SLC12A4: variants seen among roughly 807,000 people sequenced by gnomAD.
The protein encoded by SLC12A4 is electroneutral potassium-chloride cotransporter 1.
In SLC12A4, 84 loss-of-function variants were observed where a neutral mutation model predicts 119.2. The observed-to-expected ratio is 0.70, with a 90% confidence interval of 0.59 to 0.85. The LOEUF is 0.85. Ranked by LOEUF, SLC12A4 falls within the 40% of genes least tolerant of loss-of-function variation. The probability of loss-of-function intolerance (pLI) is 0.00; values close to 1 mark genes in which losing one functional copy is unlikely to be tolerated. For missense variants in SLC12A4, 1,298 were observed against 1,476.3 expected, an observed-to-expected ratio of 0.88 and a Z score of 1.98; for synonymous variants, 599 against 604.6, an observed-to-expected ratio of 0.99 and a Z score of 0.14.
Position 67,963,568 on chromosome 16 carries a change from A to T in SLC12A4, c.116-9T>A. 1 of 1,552,834 alleles carries T rather than the reference A, an allele frequency of 6.4e-7. No homozygotes were observed. The highest frequency in any genetic ancestry group is 1.2e-5 in the South Asian group (1 of 82,246). ...TCTGTGGTTGCCATGTCCTGTGAAG[A>T]GAGAGGGACAATCAGGGCCTGCTTC... On this transcript the variant is annotated splice_polypyrimidine_tract_variant and intron_variant, in intron 1 of 23. Coordinates refer to ENST00000316341, the MANE Select transcript of SLC12A4 (RefSeq NM_005072.5).
chr16:67,965,893 A>G (rs934158827), intron 1 of SLC12A4, among the ~76,000 whole-genome samples: 4 of 152,198 alleles, frequency 2.6e-5, no homozygotes, highest in Non-Finnish European at 4.4e-5. Context: ...ACCCAGGGAG[A>G]AGGCCACATC....
rs2058402988 is a variant in SLC12A4, at chr16:67,950,580, C to T, written c.1454+74G>A. 6.2e-7 allele frequency: 1 copy of T among 1,608,174 alleles called. No homozygotes were observed. Among genetic ancestry groups the T allele is most frequent in the African/African-American group, 1.3e-5 (1 of 74,700 alleles). ...GGCAGCCAGCAGGCTTAGGACCACCCACGGGGTTGGGAGCTGGTGTGAGGG... is the reference window on the plus strand; with the variant it reads ...GGCAGCCAGCAGGCTTAGGACCACCTACGGGGTTGGGAGCTGGTGTGAGGG... On this transcript the variant is annotated intron_variant, in intron 11 of 23. Transcript: ENST00000316341. This position sits in a 1 kb window ranked among gnomAD's most constrained non-coding sequence, Gnocchi z 4.3.
In SLC12A4 at chr16:67,945,837, C is replaced by A; in HGVS notation, c.2774G>T (p.Arg925Leu). ...NSDISAYTYE[R>L]TLMMEQRSQM... ...CGACCGCTGCTCCATCATCAGCGTC[C>A]GCTCGTAGGTGTATGCAGAGATGTC... The change falls in exon 21 of 24, where the codon CGG (arginine) becomes CTG (leucine). Residue 925 changes from arginine (R) to leucine (L), a missense_variant. Transcript: ENST00000316341. The A allele has an allele frequency of 6.2e-7, 1 of 1,613,976 alleles. No homozygotes were observed.
intron 1 of SLC12A4, among the ~76,000 whole-genome samples, chr16:67,967,466 C>T (rs1345277139): frequency 1.3e-5 from 2 of 152,232 alleles, no homozygotes; most frequent in African/African-American, 4.8e-5. Context: ...GTGATACCCA[C>T]AGCTACACAC....
In SLC12A4 at chr16:67,948,232, G is replaced by A; in HGVS notation, c.1749-73C>T. 2.7e-6 allele frequency: 4 copies of A among 1,454,690 alleles called. No homozygotes were observed. The South Asian group carries it at 3.5e-5, about 13-fold the overall frequency. The allele number at this position is 1,454,690 out of a possible 1,614,324, so 90.1% of individuals were successfully genotyped here. A position where few individuals can be genotyped will look rare whatever the true frequency, so the allele number is the denominator to read the frequency against. On this transcript the variant is annotated intron_variant, in intron 13 of 23. Transcript: ENST00000316341. The stretch of plus-strand genomic sequence containing the variant: ...GGGACCTGATGTCAGGCTGGGCCTG[G>A]CCCAGAAACGGGGCGTGGCCCGGCC...
In SLC12A4 at chr16:67,945,200, C is replaced by T. The variant is rs370595857; in HGVS notation, c.3053G>A (p.Arg1018His). The part of the protein sequence containing the change: ...HIKPDQSNVR[R>H]MHTAVKLNEV... ...ATTGAGCTTCACAGCAGTGTGCATG[C>T]GCCGCACATTGGATTGGTCCCTACA... Residue 1018 changes from arginine (R) to histidine (H), a missense_variant, in exon 23 of 24, where the codon CGC (arginine) becomes CAC (histidine). Arg to His is a conservative substitution (Grantham distance 29, BLOSUM62 0). Transcript: ENST00000316341. 25 of 1,564,874 alleles carry T rather than the reference C, an allele frequency of 1.6e-5. No individual in the cohort carries two copies. The highest frequency in any genetic ancestry group is 2.0e-5 in the Non-Finnish European group (23 of 1,154,220).
Position 67,968,453 on chromosome 16 carries a change from A to C in SLC12A4, c.101T>G (p.Leu34Arg). The C allele has an allele frequency of 5.1e-6, 8 of 1,575,648 alleles. No individual in the cohort carries two copies. Among genetic ancestry groups the C allele is most frequent in the Non-Finnish European group, 6.9e-6 (8 of 1,166,620 alleles). Reference sequence around the variant, plus strand: ...CGCGCCCTCACCGTCCGAGTCATCCAGCTCGGCGCGCTCCCCGTAGTCCAC... The same window carrying C: ...CGCGCCCTCACCGTCCGAGTCATCCCGCTCGGCGCGCTCCCCGTAGTCCAC... ...SWVDYGERAE[L>R]DDSDGHGNHR... The change falls in exon 1 of 24, where the codon CTG (leucine) becomes CGG (arginine). Residue 34 changes from leucine (L) to arginine (R), a missense_variant. Leu to Arg is a moderately radical substitution (Grantham distance 102). Transcript: ENST00000316341.
At position 67,951,624 on chromosome 16, in the gene SLC12A4, A is replaced by G; in HGVS notation, c.1132+199T>C. On this transcript the variant is annotated intron_variant, in intron 8 of 23. Transcript: ENST00000316341. The surrounding 1 kb of genome is among the most constrained non-coding windows in gnomAD (Gnocchi z 5.2). ...GTGGCTGGGGAAGACAGGCTGCTGCAGGCCTTGGACGCTGGCCAGACAGGC... is the reference window on the plus strand; with the variant it reads ...GTGGCTGGGGAAGACAGGCTGCTGCGGGCCTTGGACGCTGGCCAGACAGGC... The G allele has an allele frequency of 1.6e-6, 1 of 618,182 alleles. No homozygotes were observed. The allele number at this position is 618,182 out of a possible 1,614,324, so 38.3% of individuals were successfully genotyped here. A position where few individuals can be genotyped will look rare whatever the true frequency, so the allele number is the denominator to read the frequency against.
chr16:67,945,173 T>A lies in SLC12A4; in HGVS notation c.3080A>T (p.Glu1027Val), dbSNP rs1346054037. Reference sequence around the variant, plus strand: ...GTCGTGGGAGCGCGTGACAATGACTTCATTGAGCTTCACAGCAGTGTGCAT... The same window carrying A: ...GTCGTGGGAGCGCGTGACAATGACTACATTGAGCTTCACAGCAGTGTGCAT... ...RRMHTAVKLN[E>V]VIVTRSHDAR... Residue 1027 changes from glutamate to valine, a missense_variant, in exon 23 of 24, where the codon GAA (glutamate) becomes GTA (valine). Physicochemically the swap from Glu to Val is moderately radical, Grantham distance 121 (BLOSUM62 -2). Transcript: ENST00000316341. 1 of 1,590,402 alleles carries A rather than the reference T, an allele frequency of 6.3e-7. No individual in the cohort carries two copies. The highest frequency in any genetic ancestry group is 8.6e-7 in the Non-Finnish European group (1 of 1,167,200).
At chr16:67,966,834 GC>G (rs1567429309) in intron 1 of SLC12A4, 1 of 1,548,434 alleles carries the variant, frequency 6.5e-7, no homozygotes, top group Non-Finnish European at 8.7e-7. Context: ...AGGAAGGGAG[GC>G]AGTGGGAGGA....
rs2151327830 is a variant in SLC12A4, at chr16:67,949,941, T to A, written c.1630-23A>T. ...CACCTGTGTGCACCAGGAAGGAAGC[T>A]GGGTCCTGTCACCCCCATTCCACAC... On this transcript the variant is annotated intron_variant, in intron 12 of 23. Transcript: ENST00000316341. The surrounding 1 kb of genome is among the most constrained non-coding windows in gnomAD (Gnocchi z 4.6). 1 of 1,572,826 alleles carries A rather than the reference T, an allele frequency of 6.4e-7. No individual in the cohort carries two copies. Among genetic ancestry groups the A allele is most frequent in the South Asian group, 1.1e-5 (1 of 90,140 alleles).
chr16:67,954,872 C>T, intron 5 of SLC12A4, 99 bp from the exon 6 acceptor site: 2 of 1,451,412 alleles, frequency 1.4e-6, no homozygotes, highest in Non-Finnish European at 9.5e-7. Context: ...GGGACAGGGA[C>T]TGCTTTTCCT....
chr16:67,960,818 G>T (rs2030522760), intron 3 of SLC12A4, among the ~76,000 whole-genome samples: 1 of 151,858 alleles, frequency 6.6e-6, no homozygotes, highest in Non-Finnish European at 1.5e-5. Flanking sequence ...AAGGGCCAGA[G>T]AACTGGATTA....
rs1598215030 is a variant in SLC12A4, at chr16:67,949,999, A to C, written c.1630-81T>G. ...CCCAGACCCCAGCCTGGCCTCCCTC[A>C]CCCCCAGGGCCCGCCTTGGGGGCTC... On this transcript the variant is annotated intron_variant, in intron 12 of 23. Coordinates refer to ENST00000316341, the MANE Select transcript of SLC12A4 (RefSeq NM_005072.5). The surrounding 1 kb of genome is among the most constrained non-coding windows in gnomAD (Gnocchi z 4.6). The C allele has an allele frequency of 8.7e-7, 1 of 1,145,210 alleles. No homozygotes were observed. The highest frequency in any genetic ancestry group is 2.4e-5 in the East Asian group (1 of 41,494). The allele number at this position is 1,145,210 out of a possible 1,614,324, so 70.9% of individuals were successfully genotyped here.
chr16:67,950,014 C>A lies in SLC12A4; in HGVS notation c.1630-96G>T. On this transcript the variant is annotated intron_variant, in intron 12 of 23. Coordinates refer to ENST00000316341, the MANE Select transcript of SLC12A4 (RefSeq NM_005072.5). This position sits in a 1 kb window ranked among gnomAD's most constrained non-coding sequence, Gnocchi z 4.3. ...GGCCTCCCTCACCCCCAGGGCCCGC[C>A]TTGGGGGCTCAGGCCGCCCCTGTGT... 1.0e-6 allele frequency: 1 copy of A among 982,822 alleles called. No individual in the cohort carries two copies. The highest frequency in any genetic ancestry group is 1.4e-5 in the South Asian group (1 of 72,926). The allele number at this position is 982,822 out of a possible 1,614,324, so 60.9% of individuals were successfully genotyped here.
chr16:67,958,039 G>A lies in SLC12A4; in HGVS notation c.348C>T (p.Pro116=). 6.2e-7 allele frequency: 1 copy of A among 1,613,828 alleles called. No individual in the cohort carries two copies. The highest frequency in any genetic ancestry group is 1.3e-5 in the African/African-American group (1 of 75,062). The stretch of plus-strand genomic sequence containing the variant: ...ACACCCCCATGAGGGTGCCCATGCT[G>A]GGTGCCTATGCGAACACAAAGGGAG... ...EGTRRRAAEA[P]SMGTLMGVYL... Residue 116 remains proline, a synonymous_variant, in exon 4 of 24, where the codon CCC becomes CCT. Coordinates refer to ENST00000316341, the MANE Select transcript of SLC12A4 (RefSeq NM_005072.5).
intron 3 of SLC12A4, 85 bp downstream of exon 3, chr16:67,961,490 C>T: frequency 6.5e-7 from 1 of 1,549,198 alleles, no homozygotes. Context: ...CCAGTGTGCT[C>T]ACCACCATGT....
chr16:67,952,324 C>T lies in SLC12A4; in HGVS notation c.777G>A (p.Leu259=), dbSNP rs2029962139. The T allele has an allele frequency of 5.6e-5, 90 of 1,614,010 alleles. No homozygotes were observed. The highest frequency in any genetic ancestry group is 7.4e-5 in the Non-Finnish European group (87 of 1,180,042). Residue 259 remains leucine (L), a synonymous_variant, in exon 7 of 24, where the codon CTG becomes CTA. Transcript: ENST00000316341. ...NNMRVYGTIF[L]TFMTLVVFVG... ...CAAACACCACCAGGGTCATGAAGGTCAGGAAAATGGTCCCATACACACGCA... is the reference window on the plus strand; with the variant it reads ...CAAACACCACCAGGGTCATGAAGGTTAGGAAAATGGTCCCATACACACGCA...
In SLC12A4 at chr16:67,951,130, C is replaced by T. The variant is rs751592184; in HGVS notation, c.1297+10G>A. 6.2e-7 allele frequency: 1 copy of T among 1,613,648 alleles called. No homozygotes were observed. The highest frequency in any genetic ancestry group is 2.2e-5 in the East Asian group (1 of 44,864). Reference sequence around the variant, plus strand: ...GGACAGGGCTGGGTGGGTAGGCAGGCAGGGCTCACCTGTTACAGAAGGGAA... The same window carrying T: ...GGACAGGGCTGGGTGGGTAGGCAGGTAGGGCTCACCTGTTACAGAAGGGAA... On this transcript the variant is annotated intron_variant, in intron 9 of 23. Coordinates refer to ENST00000316341, the MANE Select transcript of SLC12A4 (RefSeq NM_005072.5). The surrounding 1 kb of genome is among the most constrained non-coding windows in gnomAD (Gnocchi z 5.2).
Sources: gnomAD v4.1 joint callset for allele counts (sites outside exome capture counted in the v4.1 genomes callset) on GRCh38, gnomAD v4.1.1 for gene constraint, Gnocchi (gnomAD v3.1) non-coding constraint, MANE v1.5 for transcripts, NCBI Gene and HGNC (gene_info 2026-07-23, HGNC 2026-07-21) for gene names.